Variants in MAST2 observed in about 807,000 individuals in gnomAD.
The protein encoded by MAST2 is microtubule-associated serine/threonine-protein kinase 2.
A neutral mutation model predicts 147.4 loss-of-function variants in MAST2; 70 were observed. That is an observed-to-expected ratio of 0.47 (90% CI 0.39 to 0.58). The LOEUF (loss-of-function observed/expected upper bound fraction) is 0.58, where lower values mean the gene tolerates loss of function less well. Ranked by LOEUF, MAST2 falls within the 20% of genes least tolerant of loss-of-function variation. MAST2 has a pLI of 0.00. For synonymous variants in MAST2, 869 were observed against 896.8 expected (o/e 0.97, Z 0.55); for missense variants, 2,080 against 2,302.3 (o/e 0.90, Z 1.98).
chr1:45,870,657 C>T (rs1047399300), intron 3 of MAST2, among the ~76,000 whole-genome samples: 1 of 151,484 alleles, frequency 6.6e-6, no homozygotes, highest in South Asian at 2.1e-4. Flanking sequence ...TACAGTGGCT[C>T]ATGCCTATAA....
chr1:45,889,086 G>A (rs1647267708), intron 4 of MAST2, among the ~76,000 whole-genome samples: 1 of 152,030 alleles, frequency 6.6e-6, no homozygotes. Context: ...TCTTTATCTG[G>A]CATTGCTCAC....
intron 1 of MAST2, among the ~76,000 whole-genome samples, chr1:45,820,503 G>A (rs940648302): frequency 1.3e-5 from 2 of 152,070 alleles, no homozygotes; most frequent in African/African-American, 4.8e-5. Flanking sequence ...CTTTATTCCT[G>A]TATAGCTCCA....
At chr1:45,931,145 G>A (rs1179089021) in intron 4 of MAST2, among the ~76,000 whole-genome samples, 6 of 152,128 alleles carry the variant, frequency 3.9e-5, no homozygotes, top group Admixed American at 6.5e-5. Flanking sequence ...AGAAGGCTCC[G>A]ATCCAGGATC....
At chr1:46,010,258 CAG>C (rs1028345262) in intron 9 of MAST2, among the ~76,000 whole-genome samples, 9 of 152,182 alleles carry the variant, frequency 5.9e-5, no homozygotes, top group African/African-American at 2.2e-4. Flanking sequence ...AGTGGAAGAA[CAG>C]AGGAATGGAA....
rs1208856578 is a variant in MAST2 at position 46,006,251 on chromosome 1, C to G, written c.758C>G (p.Ser253Cys). ...TGTTTTCCCCTCTAGTCATCATGCT[C>G]CTCACAGGAAAAGCTGCATCAGTTG... ...TPSSTVSSSC[S>C]SQEKLHQLPF... Residue 253 changes from serine to cysteine, a missense_variant, in exon 8 of 29, where the codon TCC becomes TGC. Ser to Cys is a moderately radical substitution (Grantham distance 112, BLOSUM62 -1). Coordinates refer to ENST00000361297, the MANE Select transcript of MAST2 (RefSeq NM_015112.3). 5.0e-6 allele frequency: 8 copies of G among 1,612,786 alleles called. No homozygotes were observed. The highest frequency in any genetic ancestry group is 6.8e-6 in the Non-Finnish European group (8 of 1,179,342).
intron 4 of MAST2, among the ~76,000 whole-genome samples, chr1:45,942,647 G>T (rs1657470616): frequency 6.6e-6 from 1 of 152,116 alleles, no homozygotes. Flanking sequence ...ACAAAGGCTT[G>T]GGCTGCTAGG....
At chr1:45,930,367 C>T (rs2148706366) in intron 4 of MAST2, among the ~76,000 whole-genome samples, 1 of 146,390 alleles carries the variant, frequency 6.8e-6, no homozygotes, top group East Asian at 2.0e-4. Context: ...ATGTGAGCCA[C>T]CGCGCCTGGC....
At chr1:45,925,507 T>G (rs1654222024) in intron 4 of MAST2, among the ~76,000 whole-genome samples, 1 of 152,146 alleles carries the variant, frequency 6.6e-6, no homozygotes. Flanking sequence ...ATTGACTTTG[T>G]GTTGTAAGTG....
intron 12 of MAST2, 65 bp from the exon 13 acceptor site, chr1:46,022,845 C>T (rs1412005234): frequency 8.3e-7 from 1 of 1,198,284 alleles, no homozygotes; most frequent in Non-Finnish European, 1.2e-6. Flanking sequence ...GTTGTGTGAT[C>T]TGAGGATACT....
intron 24 of MAST2, 99 bp from the exon 25 acceptor site, chr1:46,032,077 AGG>A: frequency 2.2e-6 from 2 of 903,334 alleles, no homozygotes; most frequent in Non-Finnish European, 3.6e-6. Flanking sequence ...ACCTAGGCTC[AGG>A]CTCTGTCTGT....
chr1:45,900,195 A>AAAAAAAAAAAAAAAAATT (rs1553226994), intron 4 of MAST2, among the ~76,000 whole-genome samples: 15 of 93,218 alleles, frequency 1.6e-4, no homozygotes, highest in African/African-American at 5.5e-4. Flanking sequence ...AAAAAAAAAA[A>AAAAAAAAAAAAAAAAATT]GATTTACCCT....
Position 46,030,208 on chromosome 1 carries a change from G to T in MAST2, c.2523G>T (p.Gln841His). 6.2e-7 allele frequency: 1 copy of T among 1,614,188 alleles called. No individual in the cohort carries two copies. The highest frequency in any genetic ancestry group is 2.2e-5 in the East Asian group (1 of 44,884). ...AGGATGGCTGCCTTGAGATCCGCCA[G>T]TTCTCTTCCTGCTCTCCAAGGTTCA... ...VSEDGCLEIR[Q>H]FSSCSPRFNK... The change falls in exon 21 of 29, where the codon CAG becomes CAT. Residue 841 changes from glutamine (Q) to histidine (H), a missense_variant. Transcript: ENST00000361297.
intron 3 of MAST2, among the ~76,000 whole-genome samples, chr1:45,835,187 A>G (rs1645068229): frequency 6.6e-6 from 1 of 152,082 alleles, no homozygotes; most frequent in South Asian, 2.1e-4. Flanking sequence ...CATCCTACCA[A>G]TCTACCAGTT....
intron 5 of MAST2, among the ~76,000 whole-genome samples, chr1:45,997,389 T>C (rs1645099664): frequency 6.6e-6 from 1 of 152,216 alleles, no homozygotes; most frequent in South Asian, 2.1e-4. Context: ...ACCCTCTGAC[T>C]GAATGAGCTC....
chr1:45,831,999 C>T (rs1212376448), intron 3 of MAST2, among the ~76,000 whole-genome samples: 8 of 151,638 alleles, frequency 5.3e-5, no homozygotes, highest in Non-Finnish European at 1.0e-4. Context: ...AGGCTGATCT[C>T]GAACTCCTGA....
At chr1:45,870,538 T>C (rs1289199366) in intron 3 of MAST2, among the ~76,000 whole-genome samples, 1 of 150,784 alleles carries the variant, frequency 6.6e-6, no homozygotes, top group Non-Finnish European at 1.5e-5. Context: ...ATATAAAATT[T>C]TTGTTCTTTT....
At chr1:45,916,168 T>G (rs1652474830) in intron 4 of MAST2, among the ~76,000 whole-genome samples, 1 of 152,194 alleles carries the variant, frequency 6.6e-6, no homozygotes, top group Admixed American at 6.5e-5. Flanking sequence ...TTCCTTTGAA[T>G]ATATGTAAGC....
At chr1:45,935,790 G>T (rs1023361225) in intron 4 of MAST2, among the ~76,000 whole-genome samples, 10 of 152,134 alleles carry the variant, frequency 6.6e-5, no homozygotes, top group Admixed American at 1.3e-4. Flanking sequence ...GGTTACTGTA[G>T]CCTTGTGGTA....
rs1646215491 is a variant in MAST2, at chr1:46,022,175, G to A, written c.1423+93G>A. On this transcript the variant is annotated intron_variant, in intron 12 of 28. Coordinates refer to ENST00000361297, the MANE Select transcript of MAST2 (RefSeq NM_015112.3). ...CTGCTTGGAAAAGAGACTTAGCTTG[G>A]ACATGGACACAACATGGCCCCGGGG... 7 of 1,533,528 alleles carry A rather than the reference G, an allele frequency of 4.6e-6. No homozygotes were observed. The South Asian group carries it at 8.5e-5, about 19-fold the overall frequency. The allele number at this position is 1,533,528 out of a possible 1,614,324, so 95.0% of individuals were successfully genotyped here.
Sources: allele counts gnomAD v4.1 joint callset (sites outside exome capture counted in the v4.1 genomes callset), GRCh38; gene constraint gnomAD v4.1.1; transcripts MANE v1.5; gene names NCBI Gene and HGNC (gene_info 2026-07-23, HGNC 2026-07-21).